Variants in PPM1H observed in about 807,000 individuals in gnomAD.
The protein encoded by PPM1H is protein phosphatase, Mg2+/Mn2+ dependent 1H.
A neutral mutation model predicts 54.9 loss-of-function variants in PPM1H; 27 were observed. The ratio of observed to expected loss-of-function variants is 0.49; its 90% CI spans 0.36 to 0.68. PPM1H has a LOEUF of 0.68. Among genes scored for constraint, PPM1H ranks in the 30% least tolerant of loss-of-function variants. The pLI, the probability that PPM1H is intolerant of heterozygous loss-of-function variation, is 0.00. For missense variants in PPM1H, 596 were observed against 667.8 expected (o/e 0.89, Z 1.19); for synonymous variants, 305 against 270.8 (o/e 1.13, Z -1.24).
chr12:62,830,645 T>C (rs1036809706), intron 2 of PPM1H, among the ~76,000 whole-genome samples: 1 of 152,198 alleles, frequency 6.6e-6, no homozygotes, highest in Non-Finnish European at 1.5e-5. Flanking sequence ...CACAGTCATC[T>C]CACTCCAGGG....
intron 4 of PPM1H, among the ~76,000 whole-genome samples, chr12:62,749,385 A>T (rs940940477): frequency 6.6e-6 from 1 of 152,250 alleles, no homozygotes; most frequent in Non-Finnish European, 1.5e-5. Flanking sequence ...GACAGTGTAT[A>T]TCAATTTCAA....
At chr12:62,693,797 G>A (rs982678066) in intron 7 of PPM1H, 139 bp downstream of exon 7, 2 of 752,252 alleles carry the variant, frequency 2.7e-6, no homozygotes, top group African/African-American at 3.5e-5. Context: ...GAAGGATGAT[G>A]GATGGGATAT....
intron 1 of PPM1H, among the ~76,000 whole-genome samples, chr12:62,878,932 T>G (rs537531844): frequency 1.3e-3 from 195 of 152,122 alleles, no homozygotes; most frequent in Middle Eastern, 6.8e-3. Context: ...AGGGCAAGAC[T>G]CCGTCTCAAA....
In PPM1H at chr12:62,645,639, A is replaced by T. The variant is rs972484273; in HGVS notation, c.*2850T>A. 1.3e-5 allele frequency: 2 copies of T among 152,250 alleles called. No homozygotes were observed. Among genetic ancestry groups the T allele is most frequent in the African/African-American group, 4.8e-5 (2 of 41,454 alleles). 9.4% of individuals were successfully genotyped at this position (152,250 alleles called of 1,614,324 possible). A position where few individuals can be genotyped will look rare whatever the true frequency, so the allele number is the denominator to read the frequency against. On this transcript the variant is annotated 3_prime_UTR_variant, in exon 10 of 10. Transcript: ENST00000228705. ...GTTCTAAGGAAAGGAGTTTCACCAG[A>T]TAGTCTGAAGAGGCCCAGCCCAGCA...
chr12:62,700,555 A>C (rs2076138569), intron 6 of PPM1H, among the ~76,000 whole-genome samples: 2 of 152,148 alleles, frequency 1.3e-5, no homozygotes, highest in Non-Finnish European at 2.9e-5. Flanking sequence ...CTACCTTTCA[A>C]ACAAATCCAG....
intron 9 of PPM1H, among the ~76,000 whole-genome samples, chr12:62,654,395 G>C (rs1340586062): frequency 1.3e-5 from 2 of 152,094 alleles, no homozygotes; most frequent in Non-Finnish European, 2.9e-5. Flanking sequence ...ATGAGCATGC[G>C]TACTTCAGTA....
chr12:62,875,080 G>A (rs544224740), intron 1 of PPM1H, among the ~76,000 whole-genome samples: 17 of 152,164 alleles, frequency 1.1e-4, no homozygotes, highest in Non-Finnish European at 2.2e-4. Context: ...CATTCAGTAC[G>A]TAAGCATTAG....
chr12:62,934,855 G>C lies in PPM1H; in HGVS notation c.-119C>G. ...GGCGCACGGCGAGTCGGGCCACTGG[G>C]ACGCGCCGCGCGCGGCTCCCAGAGC... On this transcript the variant is annotated 5_prime_UTR_variant, in exon 1 of 10. Transcript: ENST00000228705. The surrounding 1 kb of genome is among the most constrained non-coding windows in gnomAD (Gnocchi z 4.2). 9.6e-7 allele frequency: 1 copy of C among 1,037,242 alleles called. No homozygotes were observed. Among genetic ancestry groups the C allele is most frequent in the African/African-American group, 1.7e-5 (1 of 59,318 alleles). The allele number at this position is 1,037,242 out of a possible 1,614,324, so 64.3% of individuals were successfully genotyped here.
chr12:62,719,616 C>A (rs1336004580), intron 6 of PPM1H, among the ~76,000 whole-genome samples: 1 of 152,148 alleles, frequency 6.6e-6, no homozygotes, highest in Non-Finnish European at 1.5e-5. Flanking sequence ...CGACAACCCC[C>A]CTGACAAGAG....
chr12:62,694,391 C>T (rs1219051015), intron 6 of PPM1H, among the ~76,000 whole-genome samples: 2 of 152,180 alleles, frequency 1.3e-5, no homozygotes, highest in African/African-American at 2.4e-5. Flanking sequence ...AGCCAGTTCT[C>T]ACCTTCAGGG....
At chr12:62,903,924 T>A (rs1871234310) in intron 1 of PPM1H, among the ~76,000 whole-genome samples, 1 of 152,186 alleles carries the variant, frequency 6.6e-6, no homozygotes, top group African/African-American at 2.4e-5. Flanking sequence ...AATTAATGGG[T>A]AATACATTTC....
intron 4 of PPM1H, among the ~76,000 whole-genome samples, chr12:62,746,410 A>AAAACC (rs750006847): frequency 3.5e-4 from 53 of 152,298 alleles, no homozygotes; most frequent in Admixed American, 9.8e-4. Flanking sequence ...CTGATAAAGC[A>AAAACC]AAACCAAACC....
intron 4 of PPM1H, among the ~76,000 whole-genome samples, chr12:62,769,540 TG>T (rs2076565507): frequency 6.6e-6 from 1 of 152,164 alleles, no homozygotes; most frequent in Non-Finnish European, 1.5e-5. Flanking sequence ...AATATGAAGA[TG>T]GGTTTGTTGG....
intron 4 of PPM1H, among the ~76,000 whole-genome samples, chr12:62,757,141 G>A (rs1167433663): frequency 1.3e-5 from 2 of 152,166 alleles, no homozygotes; most frequent in Admixed American, 6.5e-5. Context: ...CAGTGGGTTG[G>A]CTTTTATCCC....
chr12:62,800,252 A>G (rs2704759), intron 3 of PPM1H, among the ~76,000 whole-genome samples: 13,565 of 152,028 alleles, frequency 0.089, 634 homozygotes, highest in South Asian at 0.15. Context: ...CCATGTGCCT[A>G]TCCGGTTCTG....
intron 5 of PPM1H, among the ~76,000 whole-genome samples, chr12:62,726,029 G>T (rs1410918252): frequency 1.3e-5 from 2 of 152,070 alleles, no homozygotes; most frequent in Non-Finnish European, 2.9e-5. Flanking sequence ...AGTACTCCTT[G>T]TGTACCTGTG....
At chr12:62,664,008 A>G (rs984599580) in intron 9 of PPM1H, among the ~76,000 whole-genome samples, 36 of 145,688 alleles carry the variant, frequency 2.5e-4, no homozygotes, top group Non-Finnish European at 4.2e-4. Context: ...AAAAAAAAAA[A>G]ATTATTCTGT....
intron 8 of PPM1H, among the ~76,000 whole-genome samples, chr12:62,682,273 T>A (rs954953733): frequency 2.6e-5 from 4 of 152,224 alleles, no homozygotes; most frequent in African/African-American, 4.8e-5. Flanking sequence ...ATGTTCTGCT[T>A]CACTTCAGAT....
chr12:62,740,843 C>T (rs2076377530), intron 4 of PPM1H, among the ~76,000 whole-genome samples: 1 of 152,198 alleles, frequency 6.6e-6, no homozygotes, highest in African/African-American at 2.4e-5. Flanking sequence ...GAGAGCAGGG[C>T]CCTGTGTGGT....
Sources: gnomAD v4.1 joint callset for allele counts (sites outside exome capture counted in the v4.1 genomes callset) on GRCh38, gnomAD v4.1.1 for gene constraint, Gnocchi (gnomAD v3.1) non-coding constraint, MANE v1.5 for transcripts, NCBI Gene and HGNC (gene_info 2026-07-23, HGNC 2026-07-21) for gene names.